CTNNA3: variants seen among roughly 807,000 people sequenced by gnomAD.
CTNNA3 encodes catenin alpha-3.
Under a neutral mutation model 95.7 loss-of-function variants are expected in CTNNA3, and 76 were observed. The observed-to-expected ratio is 0.79, with a 90% CI of 0.66 to 0.96. The LOEUF is 0.96. Ranked by LOEUF, CTNNA3 falls within the 40% of genes least tolerant of loss-of-function variation. The pLI is 0.00. For missense variants in CTNNA3, 1,191 were observed against 1,089.8 expected, an observed-to-expected ratio of 1.09 and a Z score of -1.31; for synonymous variants, 431 against 374.4, an observed-to-expected ratio of 1.15 and a Z score of -1.74.
chr10:66,521,282 TA>T (rs1284835202), intron 10 of CTNNA3, among the ~76,000 whole-genome samples: 1 of 152,100 alleles, frequency 6.6e-6, no homozygotes, highest in African/African-American at 2.4e-5. Context: ...TTTGTTACCA[TA>T]AGCTCCATCA....
At chr10:67,458,143 C>T (rs1847241601) in intron 5 of CTNNA3, among the ~76,000 whole-genome samples, 1 of 152,028 alleles carries the variant, frequency 6.6e-6, no homozygotes, top group Admixed American at 6.6e-5. Flanking sequence ...CCCCAGCTTC[C>T]CTCCCTCATT....
intron 5 of CTNNA3, among the ~76,000 whole-genome samples, chr10:67,270,864 C>T (rs1303323173): frequency 1.3e-5 from 2 of 152,054 alleles, no homozygotes; most frequent in Non-Finnish European, 2.9e-5. Context: ...TCTTAAGTCC[C>T]CACATGGTAA....
chr10:67,451,267 AAT>A (rs1309911055), intron 5 of CTNNA3, among the ~76,000 whole-genome samples: 2 of 152,134 alleles, frequency 1.3e-5, no homozygotes, highest in African/African-American at 4.8e-5. Context: ...AAGCCAAATA[AAT>A]ATGTTTTCTT....
chr10:66,736,834 G>T (rs1169642689), intron 9 of CTNNA3, among the ~76,000 whole-genome samples: 3 of 152,078 alleles, frequency 2.0e-5, no homozygotes, highest in African/African-American at 7.2e-5. Flanking sequence ...GATTTAGGTT[G>T]CTTATATGGC....
chr10:67,425,542 G>A (rs1020121397), intron 5 of CTNNA3, among the ~76,000 whole-genome samples: 3 of 151,980 alleles, frequency 2.0e-5, no homozygotes, highest in Admixed American at 6.6e-5. Flanking sequence ...AAAAAAAACC[G>A]TGCAGAAGCA....
At chr10:66,053,455 G>A (rs923005951) in intron 15 of CTNNA3, among the ~76,000 whole-genome samples, 3 of 151,840 alleles carry the variant, frequency 2.0e-5, no homozygotes, top group Non-Finnish European at 2.9e-5. Context: ...TGAAATAAAC[G>A]CATCATGGAG....
At chr10:67,476,752 T>C (rs536338574) in intron 5 of CTNNA3, among the ~76,000 whole-genome samples, 4 of 151,040 alleles carry the variant, frequency 2.6e-5, no homozygotes, top group Non-Finnish European at 5.9e-5. Context: ...GATCGTGGTA[T>C]AGTGGGGCCC....
chr10:67,693,222 G>C (rs921743456), intron 1 of CTNNA3, among the ~76,000 whole-genome samples: 1 of 152,164 alleles, frequency 6.6e-6, no homozygotes, highest in African/African-American at 2.4e-5. Context: ...TAACAGTCCT[G>C]TTCACCTTCA....
chr10:67,413,903 C>A (rs1368064466), intron 5 of CTNNA3, among the ~76,000 whole-genome samples: 1 of 151,986 alleles, frequency 6.6e-6, no homozygotes, highest in Non-Finnish European at 1.5e-5. Context: ...AGGAACACAA[C>A]TTACCAAAAT....
At chr10:66,188,766 A>G (rs1401944995) in intron 13 of CTNNA3, among the ~76,000 whole-genome samples, 2 of 152,064 alleles carry the variant, frequency 1.3e-5, no homozygotes, top group East Asian at 3.9e-4. Context: ...TTGCTCGGTC[A>G]TATTGTAGTT....
rs543918476 is a variant in CTNNA3, at chr10:66,390,949, T to C, written c.1532-11597A>G. 3.3e-5 allele frequency among the ~76,000 whole-genome samples: 5 copies of C among 152,230 alleles called. No homozygotes were observed. In the East Asian group the frequency reaches 5.8e-4, roughly 18 times the overall value. On this transcript the variant is annotated intron_variant, in intron 11 of 17. Coordinates refer to ENST00000433211, the MANE Select transcript of CTNNA3 (RefSeq NM_013266.4). ...CAAAGTCTTAATATATGTTAGAAAATGTAGACGATATAAAAGATAAAGTAC... is the reference window on the plus strand; with the variant it reads ...CAAAGTCTTAATATATGTTAGAAAACGTAGACGATATAAAAGATAAAGTAC...
chr10:67,343,518 T>C (rs1051349960), intron 5 of CTNNA3, among the ~76,000 whole-genome samples: 1 of 152,218 alleles, frequency 6.6e-6, no homozygotes, highest in African/African-American at 2.4e-5. Context: ...TTTGTGGCTA[T>C]TGTAAATGGG....
At chr10:67,011,723 A>G (rs1234758189) in intron 7 of CTNNA3, among the ~76,000 whole-genome samples, 1 of 152,204 alleles carries the variant, frequency 6.6e-6, no homozygotes, top group Non-Finnish European at 1.5e-5. Context: ...TAAGCACTTT[A>G]TATGTATGAA....
intron 5 of CTNNA3, among the ~76,000 whole-genome samples, chr10:67,482,731 A>G (rs2133057388): frequency 6.6e-6 from 1 of 152,214 alleles, no homozygotes; most frequent in Non-Finnish European, 1.5e-5. Context: ...CTAATTGAAT[A>G]CCCTTTATTT....
chr10:66,922,836 TAGTA>T (rs1846860927), intron 7 of CTNNA3, among the ~76,000 whole-genome samples: 1 of 152,198 alleles, frequency 6.6e-6, no homozygotes, highest in Non-Finnish European at 1.5e-5. Flanking sequence ...TGTGGGTACA[TAGTA>T]AGTGTGCATG....
rs551978066 is a variant in CTNNA3, at chr10:67,432,763, C to A, written c.579+89079G>T. Reference sequence around the variant, plus strand: ...CTTTTGCCATATAAGGTACTATTCACAGATTCTGAGGATTAGGACATGAAT... The same window carrying A: ...CTTTTGCCATATAAGGTACTATTCAAAGATTCTGAGGATTAGGACATGAAT... On this transcript the variant is annotated intron_variant, in intron 5 of 17. Coordinates refer to ENST00000433211, the MANE Select transcript of CTNNA3 (RefSeq NM_013266.4). Among the ~76,000 whole-genome samples the A allele has an allele frequency of 2.3e-4, 35 of 152,130 alleles. No homozygotes were observed. In the South Asian group the frequency reaches 7.3e-3, roughly 32 times the overall value.
At chr10:66,028,107 C>T (rs949224322) in intron 15 of CTNNA3, among the ~76,000 whole-genome samples, 1 of 152,040 alleles carries the variant, frequency 6.6e-6, no homozygotes, top group Admixed American at 6.6e-5. Flanking sequence ...TTGAAGACAG[C>T]CTTCAACATG....
chr10:66,096,526 CTTTTT>C (rs5785749), intron 14 of CTNNA3, among the ~76,000 whole-genome samples: 1 of 135,418 alleles, frequency 7.4e-6, no homozygotes, highest in Admixed American at 7.5e-5. Flanking sequence ...TCTTTTCTTT[CTTTTT>C]TTTTTTTTTT....
chr10:66,679,898 T>C (rs1461270094), intron 9 of CTNNA3, among the ~76,000 whole-genome samples: 3 of 152,158 alleles, frequency 2.0e-5, no homozygotes, highest in Non-Finnish European at 4.4e-5. Context: ...ACAATAAAAG[T>C]AAACCAATTT....
Sources: allele counts gnomAD v4.1 joint callset (sites outside exome capture counted in the v4.1 genomes callset), GRCh38; gene constraint gnomAD v4.1.1; transcripts MANE v1.5; gene names NCBI Gene and HGNC (gene_info 2026-07-23, HGNC 2026-07-21).